The following PLCH2 variants were observed in gnomAD, a reference collection of about 807,000 sequenced individuals.
PLCH2 encodes 1-phosphatidylinositol 4,5-bisphosphate phosphodiesterase eta-2.
In PLCH2, 98 loss-of-function variants were observed where a neutral mutation model predicts 134.7. That is an observed-to-expected ratio of 0.73 (90% CI 0.62 to 0.86). PLCH2 has a LOEUF of 0.86. Ranked by LOEUF, PLCH2 falls within the 40% of genes least tolerant of loss-of-function variation. PLCH2 has a pLI of 0.00. For missense variants in PLCH2, 1,994 were observed against 1,986.6 expected (o/e 1.00, Z -0.07); for synonymous variants, 974 against 827.5 (o/e 1.18, Z -3.04).
rs529444887 is a variant in PLCH2 at position 2,502,537 on chromosome 1, C to T, written c.2959+128C>T. On this transcript the variant is annotated intron_variant, in intron 21 of 21. Transcript: ENST00000378486. ...AGTGTGTGGTGGGATCCTGCGCCGG[C>T]GTGAACACCGGGGGCCTGCAGAGGG... is the stretch of plus-strand genomic sequence containing the variant. 1,255 of 1,015,694 alleles carry T rather than the reference C, an allele frequency of 1.2e-3. 15 individuals carry two copies. In the African/African-American group the frequency reaches 0.017, roughly 14 times the overall value. 62.9% of individuals were successfully genotyped at this position (1,015,694 alleles called of 1,614,324 possible).
chr1:2,504,995 C>CGCGT lies in PLCH2; in HGVS notation c.4040_4043dup (p.Ile1349CysfsTer62). ...GCGCTCCTCCTCCCGCAGCCACAGC[C>CGCGT]GCGTGCGTGCCATTGCCAGCCGGGC... On this transcript the variant is annotated frameshift_variant, in exon 22 of 22. Coordinates refer to ENST00000378486, the MANE Select transcript of PLCH2 (RefSeq NM_014638.4). LOFTEE classifies it high-confidence loss of function. 3 of 1,546,860 alleles carry CGCGT rather than the reference C, an allele frequency of 1.9e-6. No individual in the cohort carries two copies. The highest frequency in any genetic ancestry group is 2.6e-6 in the Non-Finnish European group (3 of 1,151,268).
chr1:2,448,689 T>A lies in PLCH2; in HGVS notation c.115+18060T>A, dbSNP rs1164192949. Among the ~76,000 whole-genome samples the A allele has an allele frequency of 6.6e-6, 1 of 151,522 alleles. No individual in the cohort carries two copies. Among genetic ancestry groups the A allele is most frequent in the Non-Finnish European group, 1.5e-5 (1 of 67,826 alleles). On this transcript the variant is annotated intron_variant, in intron 2 of 3. Transcript: ENST00000609981. The surrounding 1 kb of genome is among the most constrained non-coding windows in gnomAD (Gnocchi z 4.0). ...GGCCCTGGAGCTCACGCTGCTGAGG[T>A]CCCACAGGCCCCCTGGCGCAGCCTC...
chr1:2,504,874 C>T lies in PLCH2; in HGVS notation c.3912C>T (p.Arg1304=), dbSNP rs890597793. The T allele has an allele frequency of 1.9e-6, 3 of 1,593,494 alleles. No homozygotes were observed. The East Asian group carries it at 6.8e-5, about 36-fold the overall frequency. Residue 1304 remains arginine, a synonymous_variant, in exon 22 of 22, where the codon CGC becomes CGT. Coordinates refer to ENST00000378486, the MANE Select transcript of PLCH2 (RefSeq NM_014638.4). ...VRRDTLTEQL[R]WLTVFQQAGD... ...GGGACACCCTGACAGAGCAGCTGCG[C>T]TGGCTCACTGTCTTCCAGCAGGCAG...
chr1:2,438,757 A>AC (rs1027666930), intron 2 of PLCH2, among the ~76,000 whole-genome samples: 1 of 151,822 alleles, frequency 6.6e-6, no homozygotes, highest in East Asian at 1.9e-4. Flanking sequence ...AGCTGGGAGC[A>AC]CCCCCCGTCC....
chr1:2,479,017 T>C (rs1227917211), intron 2 of PLCH2: 1 of 211,806 alleles, frequency 4.7e-6, no homozygotes, highest in Non-Finnish European at 9.6e-6. Flanking sequence ...CCACTGGGCA[T>C]GGCTGCTGGA....
chr1:2,476,344 C>G lies in PLCH2; in HGVS notation c.-245C>G. The G allele has an allele frequency of 7.0e-6, 3 of 427,896 alleles. No individual in the cohort carries two copies. The highest frequency in any genetic ancestry group is 1.2e-5 in the Non-Finnish European group (3 of 243,190). 26.5% of individuals were successfully genotyped at this position (427,896 alleles called of 1,614,324 possible). The stretch of plus-strand genomic sequence containing the variant: ...CTGCGTCAGGGATTCCTTGGTGGCC[C>G]TGGAGGGTGGATAGGCTGGCCTGGG... On this transcript the variant is annotated 5_prime_UTR_variant, in exon 1 of 22. Coordinates refer to ENST00000378486, the MANE Select transcript of PLCH2 (RefSeq NM_014638.4).
rs1039377700 is a variant in PLCH2, at chr1:2,503,302, C to A, written c.2960-620C>A. 5 of 569,516 alleles carry A rather than the reference C, an allele frequency of 8.8e-6. No homozygotes were observed. The African/African-American group carries it at 9.4e-5, about 11-fold the overall frequency. The allele number at this position is 569,516 out of a possible 1,614,324, so 35.3% of individuals were successfully genotyped here. The stretch of plus-strand genomic sequence containing the variant: ...CTGATGCCTTTCCTGGGACTGGGGG[C>A]CACGTACCATCCCATTCCCACCTCC... On this transcript the variant is annotated intron_variant, in intron 21 of 21. Coordinates refer to ENST00000378486, the MANE Select transcript of PLCH2 (RefSeq NM_014638.4).
chr1:2,450,417 C>G (rs1382794306), intron 2 of PLCH2, among the ~76,000 whole-genome samples: 1 of 151,940 alleles, frequency 6.6e-6, no homozygotes, highest in Non-Finnish European at 1.5e-5. Flanking sequence ...GGATGTTTCC[C>G]GCGGCATTCA....
intron 21 of PLCH2, chr1:2,503,175 G>C (rs1299612445): frequency 1.6e-6 from 1 of 621,158 alleles, no homozygotes; most frequent in African/African-American, 1.8e-5. Context: ...AGCTGCTCTT[G>C]CTGAGGGTCT....
intron 2 of PLCH2, among the ~76,000 whole-genome samples, chr1:2,449,133 C>A (rs966935241): frequency 1.3e-5 from 2 of 148,472 alleles, no homozygotes; most frequent in Admixed American, 6.7e-5. Flanking sequence ...AGATTCAGCA[C>A]CCCCACCCCC....
chr1:2,458,749 C>T (rs1378783139), intron 2 of PLCH2, among the ~76,000 whole-genome samples: 1 of 152,212 alleles, frequency 6.6e-6, no homozygotes, highest in Non-Finnish European at 1.5e-5. Context: ...TGGGCAGCCC[C>T]CCAAAGACCC....
At chr1:2,485,056 G>A (rs892747649) in intron 5 of PLCH2, among the ~76,000 whole-genome samples, 1 of 152,028 alleles carries the variant, frequency 6.6e-6, no homozygotes, top group Non-Finnish European at 1.5e-5. Context: ...AGCCACATGG[G>A]TCTGGCTGAC....
chr1:2,479,769 C>T lies in PLCH2; in HGVS notation c.307C>T (p.Arg103Trp), dbSNP rs908109909. The change falls in exon 3 of 22, where the codon CGG (arginine) becomes TGG (tryptophan). Residue 103 changes from arginine to tryptophan, a missense_variant. By Grantham distance (101) the Arg-to-Trp change is moderately radical (BLOSUM62 -3). Around this residue, in one of 2 missense-constraint regions of PLCH2, gnomAD observed 1,094 missense variants for 1,234.3 expected, o/e 0.89. Coordinates refer to ENST00000378486, the MANE Select transcript of PLCH2 (RefSeq NM_014638.4). ...CTCCATCCAGGAGGTGAGTGAGGGG[C>T]GGCAGTCGGAGGTCTTCCAGCGCTA... is the stretch of plus-strand genomic sequence containing the variant. ...IDSIQEVSEG[R>W]QSEVFQRYPD... 1.5e-5 allele frequency: 24 copies of T among 1,550,906 alleles called. No homozygotes were observed. The highest frequency in any genetic ancestry group is 1.8e-5 in the Non-Finnish European group (21 of 1,146,318).
intron 2 of PLCH2, among the ~76,000 whole-genome samples, chr1:2,432,118 T>C (rs1639098619): frequency 6.6e-6 from 1 of 152,180 alleles, no homozygotes; most frequent in Non-Finnish European, 1.5e-5. Context: ...CCTCTGGGAC[T>C]CACGGCCATG....
intron 21 of PLCH2, chr1:2,503,216 C>A: frequency 1.7e-6 from 1 of 572,314 alleles, no homozygotes; most frequent in Non-Finnish European, 3.1e-6. Flanking sequence ...ACATGCTGGG[C>A]CCCTCCGGCT....
intron 9 of PLCH2, among the ~76,000 whole-genome samples, 161 bp downstream of exon 9, chr1:2,489,539 GTCACTCTGGCTCAGGCCCC>G (rs1211424740): frequency 6.6e-6 from 1 of 152,242 alleles, no homozygotes; most frequent in African/African-American, 2.4e-5. Flanking sequence ...CCCCATGGTG[GTCACTCTGGCTCAGGCCCC>G]TCATGCACAT....
intron 21 of PLCH2, 162 bp from the exon 22 acceptor site, chr1:2,503,760 C>G (rs1048199206): frequency 9.7e-6 from 6 of 616,766 alleles, no homozygotes; most frequent in East Asian, 2.8e-5. Flanking sequence ...GAGTGTGCCG[C>G]GCCCGGGGGA....
At chr1:2,454,578 G>A (rs1475366941) in intron 2 of PLCH2, among the ~76,000 whole-genome samples, 1 of 152,126 alleles carries the variant, frequency 6.6e-6, no homozygotes, top group Non-Finnish European at 1.5e-5. Flanking sequence ...GCCTGATGGT[G>A]GACCCCAGGC....
Position 2,476,484 on chromosome 1 carries a change from C to A in PLCH2, c.-105C>A. On this transcript the variant is annotated 5_prime_UTR_variant, in exon 1 of 22. Transcript: ENST00000378486. The stretch of plus-strand genomic sequence containing the variant: ...GAGGAAGAGGCAGAGGAGAGAAGGC[C>A]CCACGGAGGTCCTGTCGCCAGCGCT... The A allele has an allele frequency of 9.1e-7, 1 of 1,102,288 alleles. No individual in the cohort carries two copies. Among genetic ancestry groups the A allele is most frequent in the South Asian group, 1.7e-5 (1 of 59,132 alleles). 68.3% of individuals were successfully genotyped at this position (1,102,288 alleles called of 1,614,324 possible).
Sources: allele counts gnomAD v4.1 joint callset (sites outside exome capture counted in the v4.1 genomes callset), GRCh38; gene constraint gnomAD v4.1.1; regional missense constraint gnomAD v4.1.1; non-coding constraint Gnocchi (gnomAD v3.1); transcripts MANE v1.5; gene names NCBI Gene and HGNC (gene_info 2026-07-23, HGNC 2026-07-21).